The following PIK3AP1 variants were observed in gnomAD, a reference collection of about 807,000 sequenced individuals.
The protein encoded by PIK3AP1 is phosphoinositide 3-kinase adapter protein 1.
A neutral mutation model predicts 88.1 loss-of-function variants in PIK3AP1; 21 were observed. The ratio of observed to expected loss-of-function variants is 0.24; its 90% CI spans 0.17 to 0.34. The LOEUF is 0.34. PIK3AP1 is among the 10% of genes least tolerant of loss of function. The pLI is 1.00. For synonymous variants in PIK3AP1, 398 were observed against 400.0 expected, an observed-to-expected ratio of 1.00 and a Z score of 0.06; for missense variants, 828 against 1,035.7, an observed-to-expected ratio of 0.80 and a Z score of 2.75.
intron 4 of PIK3AP1, among the ~76,000 whole-genome samples, chr10:96,652,400 C>T (rs1170803714): frequency 2.6e-5 from 4 of 152,014 alleles, no homozygotes; most frequent in Non-Finnish European, 4.4e-5. Flanking sequence ...GGTGAAACTC[C>T]GTCTCTACTA....
chr10:96,687,850 C>T (rs1212753124), intron 2 of PIK3AP1, among the ~76,000 whole-genome samples: 1 of 152,176 alleles, frequency 6.6e-6, no homozygotes, highest in Non-Finnish European at 1.5e-5. Context: ...ATGAACTGCA[C>T]ATGGAGCCTG....
rs748930022 is a variant in PIK3AP1 at position 96,653,479 on chromosome 10, C to CTTTT, written c.568-641_568-638dup. Among the ~76,000 whole-genome samples, 95 of 61,862 alleles carry CTTTT rather than the reference C, an allele frequency of 1.5e-3. 3 individuals carry two copies. Among genetic ancestry groups the CTTTT allele is most frequent in the African/African-American group, 2.1e-3 (35 of 16,454 alleles). The allele number at this position is 61,862 out of a possible 152,430, so 40.6% of individuals were successfully genotyped here. ...AACCTTAAGGCCGATACTTTATACA[C>CTTTT]TTTTTTTTTTTTTTTTTTTTTTTTT... On this transcript the variant is annotated intron_variant, in intron 3 of 16. Coordinates refer to ENST00000339364, the MANE Select transcript of PIK3AP1 (RefSeq NM_152309.3).
rs764753658 is a variant in PIK3AP1, at chr10:96,620,508, G to A, written c.1785C>T (p.Asp595=). The A allele has an allele frequency of 1.2e-6, 2 of 1,613,786 alleles. No homozygotes were observed. Among genetic ancestry groups the A allele is most frequent in the African/African-American group, 1.3e-5 (1 of 74,898 alleles). ...CTGGCGTTTTCATTCCCGCAAAAGG[G>A]TCATATATACTCGACTGGGGCCTGT... is the stretch of plus-strand genomic sequence containing the variant. ...WRDRPQSSIY[D]PFAGMKTPGQ... Residue 595 remains aspartate, a synonymous_variant, in exon 12 of 17, where the codon GAC becomes GAT. Transcript: ENST00000339364.
chr10:96,637,404 C>T (rs1174780038), intron 8 of PIK3AP1, among the ~76,000 whole-genome samples: 6 of 152,006 alleles, frequency 3.9e-5, no homozygotes. Context: ...CACTCTGTCA[C>T]CCAGGCTGGA....
intron 13 of PIK3AP1, among the ~76,000 whole-genome samples, chr10:96,610,175 G>C (rs1401057606): frequency 6.6e-6 from 1 of 152,152 alleles, no homozygotes; most frequent in East Asian, 1.9e-4. Context: ...AGAAAGGTTT[G>C]GGCTCTCAGC....
chr10:96,597,357 T>TCCCTCCCTCC (rs201840563), intron 16 of PIK3AP1, among the ~76,000 whole-genome samples: 1 of 6,160 alleles, frequency 1.6e-4, no homozygotes, highest in African/African-American at 2.1e-4. Context: ...CCTCCCTCCC[T>TCCCTCCCTCC]CTCTCTCTCT....
intron 2 of PIK3AP1, among the ~76,000 whole-genome samples, chr10:96,657,599 G>A (rs1030660035): frequency 2.6e-5 from 4 of 152,142 alleles, no homozygotes; most frequent in African/African-American, 9.7e-5. Flanking sequence ...CTCTAAGGCA[G>A]GGGCTCTTAA....
chr10:96,687,029 G>C (rs1477212912), intron 2 of PIK3AP1, among the ~76,000 whole-genome samples: 1 of 151,952 alleles, frequency 6.6e-6, no homozygotes, highest in East Asian at 1.9e-4. Context: ...GACCGAGGCG[G>C]GTGGATCACA....
At chr10:96,601,468 T>C (rs1379113208) in intron 16 of PIK3AP1, among the ~76,000 whole-genome samples, 1 of 47,434 alleles carries the variant, frequency 2.1e-5, no homozygotes, top group Non-Finnish European at 4.0e-5. Flanking sequence ...AACAAGAATC[T>C]ATCTCAAAAA....
intron 2 of PIK3AP1, among the ~76,000 whole-genome samples, chr10:96,695,828 GT>G (rs1384382951): frequency 1.3e-5 from 2 of 151,732 alleles, no homozygotes; most frequent in Non-Finnish European, 2.9e-5. Flanking sequence ...AATTCCAATT[GT>G]TAACTAGCTC....
chr10:96,593,776 G>A lies in PIK3AP1; in HGVS notation c.*1801C>T, dbSNP rs1848711385. ...CTACAAACACTCTCGTGATGGACAT[G>A]GCCAATAGTGTATTTTGTCAAAAAA... On this transcript the variant is annotated 3_prime_UTR_variant, in exon 17 of 17. Transcript: ENST00000339364. The A allele has an allele frequency of 6.6e-6, 1 of 152,146 alleles. No individual in the cohort carries two copies. The highest frequency in any genetic ancestry group is 2.4e-5 in the African/African-American group (1 of 41,416). The allele number at this position is 152,146 out of a possible 1,614,324, so 9.4% of individuals were successfully genotyped here. A position where few individuals can be genotyped will look rare whatever the true frequency, so the allele number is the denominator to read the frequency against.
chr10:96,675,627 G>A (rs1159730390), intron 2 of PIK3AP1, among the ~76,000 whole-genome samples: 1 of 152,146 alleles, frequency 6.6e-6, no homozygotes, highest in Non-Finnish European at 1.5e-5. Flanking sequence ...AATGAATTGA[G>A]TCCCTGCTAT....
At chr10:96,632,129 G>C (rs1843252685) in intron 8 of PIK3AP1, among the ~76,000 whole-genome samples, 1 of 152,162 alleles carries the variant, frequency 6.6e-6, no homozygotes, top group Admixed American at 6.5e-5. Context: ...GAAAGACTGA[G>C]GAACTGCTGC....
intron 13 of PIK3AP1, among the ~76,000 whole-genome samples, chr10:96,611,860 T>C (rs1204957878): frequency 1.3e-5 from 2 of 152,054 alleles, no homozygotes; most frequent in African/African-American, 4.8e-5. Flanking sequence ...AGAAGGAAAG[T>C]AAAATACACA....
At position 96,652,751 on chromosome 10, in the gene PIK3AP1, A is replaced by T; in HGVS notation, c.659T>A (p.Val220Glu). 6.2e-7 allele frequency: 1 copy of T among 1,614,086 alleles called. No individual in the cohort carries two copies. The stretch of plus-strand genomic sequence containing the variant: ...ATTCTCCACCTTGGCTTCCATCCTT[A>T]CAGAGGGAGAATCCTCAGGAGAAAA... ...AEFSPEDSPS[V>E]RMEAKVENEY... Residue 220 changes from valine to glutamate, a missense_variant, in exon 4 of 17, where the codon GTA becomes GAA. Val to Glu is a moderately radical substitution (Grantham distance 121). Transcript: ENST00000339364.
At chr10:96,615,324 C>T (rs1317070136) in intron 13 of PIK3AP1, among the ~76,000 whole-genome samples, 4 of 152,024 alleles carry the variant, frequency 2.6e-5, no homozygotes, top group South Asian at 4.1e-4. Context: ...TGATCAAGGG[C>T]GTGGCATTAT....
intron 8 of PIK3AP1, among the ~76,000 whole-genome samples, chr10:96,631,461 A>G (rs1201669226): frequency 6.6e-6 from 1 of 152,246 alleles, no homozygotes; most frequent in Non-Finnish European, 1.5e-5. Context: ...ATGTGGAGGA[A>G]AATAGTAGAA....
Position 96,709,662 on chromosome 10 carries a change from A to G in PIK3AP1, c.335T>C (p.Leu112Pro), listed in dbSNP as rs765453475. ...ATGGGCCCAATCTGGAAAGAAGTCTAGGAACTCCTCGCTGTCCCGCACGCC... is the reference window on the plus strand; with the variant it reads ...ATGGGCCCAATCTGGAAAGAAGTCTGGGAACTCCTCGCTGTCCCGCACGCC... ...LCGVRDSEEF[L>P]DFFPDWAHWQ... is the part of the protein sequence containing the mutation. Residue 112 changes from leucine (L) to proline (P), a missense_variant, in exon 2 of 17, where the codon CTA becomes CCA. Physicochemically the swap from Leu to Pro is moderately conservative, Grantham distance 98. Around this residue, in one of 3 missense-constraint regions of PIK3AP1, gnomAD observed 610 missense variants for 760.1 expected, o/e 0.80. Coordinates refer to ENST00000339364, the MANE Select transcript of PIK3AP1 (RefSeq NM_152309.3). The G allele has an allele frequency of 1.9e-6, 3 of 1,614,268 alleles. No homozygotes were observed. The highest frequency in any genetic ancestry group is 1.1e-5 in the South Asian group (1 of 91,086).
chr10:96,652,873 T>C (rs373242929), intron 3 of PIK3AP1, 31 bp from the exon 4 acceptor site: 2 of 1,606,326 alleles, frequency 1.2e-6, no homozygotes, highest in Non-Finnish European at 1.7e-6. Context: ...TTGTCCCCTC[T>C]CCCTCTCAGA....
Sources: allele counts gnomAD v4.1 joint callset (sites outside exome capture counted in the v4.1 genomes callset), GRCh38; gene constraint gnomAD v4.1.1; regional missense constraint gnomAD v4.1.1; transcripts MANE v1.5; gene names NCBI Gene and HGNC (gene_info 2026-07-23, HGNC 2026-07-21).